The following PDE11A variants were observed in gnomAD, a reference collection of about 807,000 sequenced individuals.
PDE11A encodes the protein phosphodiesterase 11A.
Under a neutral mutation model 100.5 loss-of-function variants are expected in PDE11A, and 100 were observed. The ratio of observed to expected loss-of-function variants is 1.00; its 90% CI spans 0.85 to 1.18. PDE11A has a LOEUF of 1.18. PDE11A is among the 50% of genes most tolerant of loss of function. The pLI is 0.00. For missense variants in PDE11A, 1,141 were observed against 1,152.6 expected (o/e 0.99, Z 0.15); for synonymous variants, 381 against 420.8 (o/e 0.91, Z 1.16).
chr2:177,813,533 T>A (rs751352828), intron 9 of PDE11A, among the ~76,000 whole-genome samples: 6 of 152,144 alleles, frequency 3.9e-5, no homozygotes, highest in Admixed American at 6.5e-5. Context: ...GCCCCATTTG[T>A]GAGAATTATT....
At chr2:177,948,893 G>C (rs760980831) in intron 2 of PDE11A, among the ~76,000 whole-genome samples, 1 of 152,166 alleles carries the variant, frequency 6.6e-6, no homozygotes, top group African/African-American at 2.4e-5. Context: ...CTGGGTGACA[G>C]AGTGACATCT....
At chr2:177,639,212 G>A (rs2080101986) in intron 19 of PDE11A, among the ~76,000 whole-genome samples, 2 of 152,180 alleles carry the variant, frequency 1.3e-5, no homozygotes, top group African/African-American at 2.4e-5. Flanking sequence ...TATGTTGTCT[G>A]TTGCCCATTG....
At chr2:177,644,237 C>T (rs2080187350) in intron 19 of PDE11A, among the ~76,000 whole-genome samples, 1 of 152,214 alleles carries the variant, frequency 6.6e-6, no homozygotes, top group African/African-American at 2.4e-5. Context: ...AATGCCAGCC[C>T]ATGAAAATAG....
intron 1 of PDE11A, among the ~76,000 whole-genome samples, chr2:178,025,044 C>T (rs1222361915): frequency 6.6e-6 from 1 of 152,144 alleles, no homozygotes; most frequent in Non-Finnish European, 1.5e-5. Flanking sequence ...TTTAGGCCTC[C>T]TAATTTGATA....
Position 177,963,281 on chromosome 2 carries a change from C to A in PDE11A, c.1071+51021G>T, listed in dbSNP as rs982548289. On this transcript the variant is annotated intron_variant, in intron 2 of 19. Coordinates refer to ENST00000286063, the MANE Select transcript of PDE11A (RefSeq NM_016953.4). ...CTGTATCTTCAGGATGAGCTCTATA[C>A]GGATTCCAGAGGAAACATCAACCAG... 2.0e-5 allele frequency among the ~76,000 whole-genome samples: 3 copies of A among 152,234 alleles called. No individual in the cohort carries two copies. The South Asian group carries it at 6.2e-4, about 32-fold the overall frequency.
chr2:178,073,794 A>G (rs1175797772), upstream of PDE11A, among the ~76,000 whole-genome samples: 1 of 152,202 alleles, frequency 6.6e-6, no homozygotes, highest in Non-Finnish European at 1.5e-5. Flanking sequence ...AAGGACTCAC[A>G]AGTGCCTATT....
chr2:177,950,967 G>C (rs1251292100), intron 2 of PDE11A, among the ~76,000 whole-genome samples: 11 of 152,132 alleles, frequency 7.2e-5, no homozygotes, highest in Admixed American at 2.0e-4. Context: ...TGTAGGGTAG[G>C]TATTAATATT....
rs7575717 is a variant in PDE11A at position 177,669,661 on chromosome 2, A to G, written c.2488-94T>C. ...GCTTATGTATTTGGTGATCCTCATC[A>G]ACACAATCATTTAAAAAGCTTATGA... is the stretch of plus-strand genomic sequence containing the variant. On this transcript the variant is annotated intron_variant, in intron 17 of 19. Transcript: ENST00000286063. 9,196 of 757,718 alleles carry G rather than the reference A, an allele frequency of 0.012. 500 individuals carry two copies. In the African/African-American group the frequency reaches 0.12, roughly 10 times the overall value. The allele number at this position is 757,718 out of a possible 1,614,324, so 46.9% of individuals were successfully genotyped here.
chr2:177,727,544 T>C, intron 12 of PDE11A, 114 bp downstream of exon 12: 1 of 764,696 alleles, frequency 1.3e-6, no homozygotes, highest in Admixed American at 1.9e-5. Flanking sequence ...GTAGGTAAGT[T>C]CCAACATAAA....
At chr2:177,918,509 T>G (rs975508391) in intron 2 of PDE11A, among the ~76,000 whole-genome samples, 3 of 152,048 alleles carry the variant, frequency 2.0e-5, no homozygotes, top group Admixed American at 6.6e-5. Flanking sequence ...AAAACAACCA[T>G]TAGAATTGAT....
At chr2:177,817,762 A>G (rs1356468889) in intron 8 of PDE11A, 96 bp downstream of exon 8, 1 of 703,512 alleles carries the variant, frequency 1.4e-6, no homozygotes, top group Non-Finnish European at 2.6e-6. Context: ...AAGTATAATA[A>G]TAATTGACTA....
At chr2:177,843,593 A>G (rs1053154946) in intron 5 of PDE11A, among the ~76,000 whole-genome samples, 7 of 152,210 alleles carry the variant, frequency 4.6e-5, no homozygotes, top group Non-Finnish European at 8.8e-5. Context: ...CATGCTTAGA[A>G]TGTGGCTTGG....
In PDE11A at chr2:177,698,178, A is replaced by G. The variant is rs184602930; in HGVS notation, c.2245-746T>C. Reference sequence around the variant, plus strand: ...TAAATTCAGTATGGTGAATATGAATAATTCTGAATAGCTAGGATGCATAAG... The same window carrying G: ...TAAATTCAGTATGGTGAATATGAATGATTCTGAATAGCTAGGATGCATAAG... On this transcript the variant is annotated intron_variant, in intron 14 of 19. Coordinates refer to ENST00000286063, the MANE Select transcript of PDE11A (RefSeq NM_016953.4). Among the ~76,000 whole-genome samples the G allele has an allele frequency of 2.2e-4, 33 of 152,302 alleles. No individual in the cohort carries two copies. The East Asian group carries it at 6.0e-3, about 28-fold the overall frequency.
intron 3 of PDE11A, 126 bp from the exon 4 acceptor site, chr2:177,898,324 A>C (rs2084643926): frequency 3.0e-6 from 2 of 677,872 alleles, no homozygotes; most frequent in Non-Finnish European, 5.1e-6. Context: ...AATTTTAAAA[A>C]ATTTTATGAT....
chr2:177,711,839 A>G lies in PDE11A; in HGVS notation c.2083T>C (p.Leu695=). The G allele has an allele frequency of 6.2e-7, 1 of 1,613,144 alleles. No individual in the cohort carries two copies. Among genetic ancestry groups the G allele is most frequent in the South Asian group, 1.1e-5 (1 of 91,048 alleles). ...FQDILTEVEI[L]AVIVGCLCHD... ...CACAGGCATCCCACAATCACCGCTA[A>G]AATTTCCACCTCGGTCAGAATGTCT... The change falls in exon 13 of 20, where the codon TTA becomes CTA. Residue 695 remains leucine, a synonymous_variant. Transcript: ENST00000286063.
At chr2:178,005,477 T>C (rs918894341) in intron 2 of PDE11A, among the ~76,000 whole-genome samples, 1 of 152,132 alleles carries the variant, frequency 6.6e-6, no homozygotes, top group African/African-American at 2.4e-5. Context: ...GTGAGCCCCA[T>C]CTCTTAAAAA....
At chr2:178,010,644 A>G (rs936350761) in intron 2 of PDE11A, among the ~76,000 whole-genome samples, 2 of 152,250 alleles carry the variant, frequency 1.3e-5, no homozygotes, top group Admixed American at 6.5e-5. Context: ...AGTGAAACAC[A>G]GGGGAAAAAT....
chr2:178,056,580 C>A (rs1267551700), intron 1 of PDE11A, among the ~76,000 whole-genome samples: 2 of 152,092 alleles, frequency 1.3e-5, no homozygotes, highest in African/African-American at 4.8e-5. Flanking sequence ...AAATTACAAC[C>A]AAGGGCCACA....
chr2:178,069,045 A>G (rs897490854), intron 1 of PDE11A, among the ~76,000 whole-genome samples: 1 of 152,228 alleles, frequency 6.6e-6, no homozygotes, highest in Non-Finnish European at 1.5e-5. Context: ...AGTTCCAGAT[A>G]AGGAGAAAAA....
Sources: gnomAD v4.1 joint callset for allele counts (sites outside exome capture counted in the v4.1 genomes callset) on GRCh38, gnomAD v4.1.1 for gene constraint, MANE v1.5 for transcripts, NCBI Gene and HGNC (gene_info 2026-07-23, HGNC 2026-07-21) for gene names.